The following UGT1A10 variants were observed in gnomAD, a reference collection of about 807,000 sequenced individuals.
The protein encoded by UGT1A10 is UDP-glucuronosyltransferase 1A10.
UGT1A10 carries 49 observed loss-of-function variants against 45.8 expected under a neutral mutation model. That is an observed-to-expected ratio of 1.07 (90% CI 0.85 to 1.36). The LOEUF is 1.36. Ranked by LOEUF, UGT1A10 falls within the 40% of genes most tolerant of loss-of-function variation. The pLI is 0.00. For synonymous variants in UGT1A10, 284 were observed against 249.7 expected (o/e 1.14, Z -1.29); for missense variants, 745 against 668.6 (o/e 1.11, Z -1.26).
chr2:233,683,986 G>A (rs1470062095), intron 1 of UGT1A10, among the ~76,000 whole-genome samples: 1 of 152,130 alleles, frequency 6.6e-6, no homozygotes, highest in Non-Finnish European at 1.5e-5. Context: ...AATTGAAAAA[G>A]TCGTGACAAA....
intron 1 of UGT1A10, among the ~76,000 whole-genome samples, chr2:233,670,115 A>G (rs530435071): frequency 6.6e-6 from 1 of 152,362 alleles, no homozygotes; most frequent in Non-Finnish European, 1.5e-5. Context: ...CTGTATTATC[A>G]TAATGAAGTC....
chr2:233,642,548 T>C (rs1559321384), intron 1 of UGT1A10, among the ~76,000 whole-genome samples: 2 of 152,244 alleles, frequency 1.3e-5, no homozygotes, highest in African/African-American at 4.8e-5. Flanking sequence ...GATGAGGTCA[T>C]GGTTTTCCTG....
chr2:233,649,107 A>C (rs2073675644), intron 1 of UGT1A10: 1 of 788,358 alleles, frequency 1.3e-6, no homozygotes, highest in African/African-American at 1.8e-5. Flanking sequence ...CTGGGATTTG[A>C]CATTTGTGTT....
chr2:233,647,101 C>T (rs1413368619), intron 1 of UGT1A10, among the ~76,000 whole-genome samples: 3 of 152,122 alleles, frequency 2.0e-5, no homozygotes, highest in African/African-American at 4.8e-5. Context: ...GGAAAACTTC[C>T]ATTTTTAAAA....
chr2:233,768,908 GA>G (rs1376378983), intron 4 of UGT1A10, among the ~76,000 whole-genome samples: 2 of 152,020 alleles, frequency 1.3e-5, no homozygotes, highest in African/African-American at 4.8e-5. Context: ...AGATAATTTA[GA>G]GGTTATTATT....
chr2:233,743,792 G>A (rs775660405), intron 1 of UGT1A10: 16 of 1,367,176 alleles, frequency 1.2e-5, no homozygotes, highest in East Asian at 4.6e-5. Context: ...TCTCCTCTCC[G>A]CTTCCTCCTT....
chr2:233,654,061 T>C (rs2073799341), intron 1 of UGT1A10, among the ~76,000 whole-genome samples: 1 of 152,220 alleles, frequency 6.6e-6, no homozygotes, highest in Non-Finnish European at 1.5e-5. Context: ...ATTAGAATTC[T>C]CCATAAGTCT....
At chr2:233,671,828 A>G in intron 1 of UGT1A10, 2 of 1,451,656 alleles carry the variant, frequency 1.4e-6, no homozygotes, top group East Asian at 2.4e-5. Context: ...ATGAAAGGAT[A>G]AAAACACGCC....
Position 233,760,789 on chromosome 2 carries a change from A to G in UGT1A10, c.856-6245A>G, listed in dbSNP as rs756010756. 3.7e-6 allele frequency: 6 copies of G among 1,613,282 alleles called. No homozygotes were observed. In the African/African-American group the frequency reaches 6.7e-5, roughly 18 times the overall value. On this transcript the variant is annotated intron_variant, in intron 1 of 4. Coordinates refer to ENST00000344644, the MANE Select transcript of UGT1A10 (RefSeq NM_019075.4). Reference sequence around the variant, plus strand: ...CGTGGCCCAGTACCTGTCTCTGCCCACTGTATTCTTCTTGCATGCACTGCC... The same window carrying G: ...CGTGGCCCAGTACCTGTCTCTGCCCGCTGTATTCTTCTTGCATGCACTGCC...
At position 233,768,260 on chromosome 2, in the gene UGT1A10, C is replaced by T; in HGVS notation, c.1116C>T (p.Ser372=). The T allele has an allele frequency of 6.2e-7, 1 of 1,614,136 alleles. No individual in the cohort carries two copies. Among genetic ancestry groups the T allele is most frequent in the Non-Finnish European group, 8.5e-7 (1 of 1,180,024 alleles). The change falls in exon 4 of 5, where the codon TCC becomes TCT. Residue 372 remains serine, a synonymous_variant. Transcript: ENST00000344644. ...MTRAFITHAG[S]HGVYESICNG... Reference sequence around the variant, plus strand: ...GTGCCTTTATCACCCATGCTGGTTCCCATGGTGTTTATGAAAGCATATGCA... The same window carrying T: ...GTGCCTTTATCACCCATGCTGGTTCTCATGGTGTTTATGAAAGCATATGCA...
intron 1 of UGT1A10, among the ~76,000 whole-genome samples, chr2:233,637,783 AC>A (rs1282375737): frequency 6.6e-6 from 1 of 152,152 alleles, no homozygotes; most frequent in African/African-American, 2.4e-5. Context: ...AAGTTCCCAT[AC>A]CTATTTAGTA....
In UGT1A10 at chr2:233,767,887, T is replaced by TG; in HGVS notation, c.1027dup (p.Ala343GlyfsTer8). ...ACACTGGAACCCGACCATCGAATCTTGCGAACAACACGATACTTGTTAAGT... is the reference window on the plus strand; with the variant it reads ...ACACTGGAACCCGACCATCGAATCTTGGCGAACAACACGATACTTGTTAAGT... On this transcript the variant is annotated frameshift_variant, in exon 3 of 5. Transcript: ENST00000344644. LOFTEE classifies it high-confidence loss of function. 2 of 1,614,208 alleles carry TG rather than the reference T, an allele frequency of 1.2e-6. No individual in the cohort carries two copies. Among genetic ancestry groups the TG allele is most frequent in the Non-Finnish European group, 8.5e-7 (1 of 1,180,046 alleles).
At chr2:233,717,608 A>G (rs897044016) in intron 1 of UGT1A10, among the ~76,000 whole-genome samples, 23 of 152,264 alleles carry the variant, frequency 1.5e-4, no homozygotes, top group African/African-American at 5.5e-4. Context: ...AAGTGGGCAC[A>G]GCCCAGAGAG....
intron 1 of UGT1A10, among the ~76,000 whole-genome samples, chr2:233,758,476 T>C (rs926458629): frequency 1.3e-5 from 2 of 152,218 alleles, no homozygotes; most frequent in Non-Finnish European, 2.9e-5. Context: ...AGGTTTAAAT[T>C]AAACTGTGAA....
At chr2:233,711,896 C>T (rs1316826464) in intron 1 of UGT1A10, among the ~76,000 whole-genome samples, 1 of 152,152 alleles carries the variant, frequency 6.6e-6, no homozygotes, top group African/African-American at 2.4e-5. Flanking sequence ...GTCTCATGGG[C>T]GTGAGACCAT....
chr2:233,755,461 C>T, intron 1 of UGT1A10: 1 of 282,900 alleles, frequency 3.5e-6, no homozygotes, highest in Non-Finnish European at 6.9e-6. Context: ...ACTGGCCCTG[C>T]TCTCTGTGAG....
At chr2:233,690,675 G>T in intron 1 of UGT1A10, 2 of 1,262,130 alleles carry the variant, frequency 1.6e-6, no homozygotes, top group Non-Finnish European at 2.0e-6. Context: ...GGCAGGCCTG[G>T]GTCTCCAGCG....
At chr2:233,717,517 C>T (rs1267847628) in intron 1 of UGT1A10, among the ~76,000 whole-genome samples, 2 of 152,244 alleles carry the variant, frequency 1.3e-5, no homozygotes, top group African/African-American at 2.4e-5. Flanking sequence ...ATGGGAGTAA[C>T]TTCCTCCATA....
intron 1 of UGT1A10, among the ~76,000 whole-genome samples, chr2:233,705,164 G>T (rs1459236514): frequency 1.3e-5 from 2 of 151,464 alleles, no homozygotes; most frequent in South Asian, 2.1e-4. Flanking sequence ...GAGAGAGAGA[G>T]AATAAAGGGG....
Sources: allele counts gnomAD v4.1 joint callset (sites outside exome capture counted in the v4.1 genomes callset), GRCh38; gene constraint gnomAD v4.1.1; transcripts MANE v1.5; gene names NCBI Gene and HGNC (gene_info 2026-07-23, HGNC 2026-07-21).